Variants in OSTN observed in about 807,000 individuals in gnomAD.
OSTN encodes osteocrin.
In OSTN, 9 loss-of-function variants were observed where a neutral mutation model predicts 12.0. The observed-to-expected ratio is 0.75, with a 90% CI of 0.45 to 1.30. The LOEUF is 1.30. Ranked by LOEUF, OSTN falls within the 50% of genes most tolerant of loss-of-function variation. The probability of loss-of-function intolerance (pLI) is 0.00; values close to 1 mark genes in which losing one functional copy is unlikely to be tolerated. For synonymous variants in OSTN, 59 were observed against 56.9 expected, an observed-to-expected ratio of 1.04 and a Z score of -0.16; for missense variants, 148 against 152.3, an observed-to-expected ratio of 0.97 and a Z score of 0.15.
rs577497707 is a variant in OSTN at position 191,253,154 on chromosome 3, A to G, written c.*12+3021A>G. Among the ~76,000 whole-genome samples the G allele has an allele frequency of 3.9e-5, 6 of 152,344 alleles. No homozygotes were observed. The South Asian group carries it at 1.2e-3, about 32-fold the overall frequency. Reference sequence around the variant, plus strand: ...TCATTGGTTATACATTTCTAAGACGAACAGAAATGGTATCTCGCACTTTAC... The same window carrying G: ...TCATTGGTTATACATTTCTAAGACGGACAGAAATGGTATCTCGCACTTTAC... On this transcript the variant is annotated intron_variant, in intron 4 of 4. Transcript: ENST00000682035.
intron 2 of OSTN, chr3:191,217,257 C>G (rs1354808195): frequency 6.6e-6 from 1 of 152,194 alleles, no homozygotes; most frequent in Non-Finnish European, 1.5e-5. Context: ...AAACTGCCCC[C>G]ATAATTCAGT....
At chr3:191,213,965 A>G (rs1053226383) in intron 2 of OSTN, among the ~76,000 whole-genome samples, 3 of 152,278 alleles carry the variant, frequency 2.0e-5, no homozygotes, top group East Asian at 3.9e-4. Flanking sequence ...TCAGGCTTAT[A>G]TAAGGAAGTG....
At chr3:191,221,599 T>C (rs1211776627) in intron 3 of OSTN, among the ~76,000 whole-genome samples, 2 of 152,280 alleles carry the variant, frequency 1.3e-5, no homozygotes, top group East Asian at 3.9e-4. Context: ...TGAGGAACTT[T>C]GAACTTGAGA....
At chr3:191,262,813 C>T (rs2108559207) in intron 4 of OSTN, 53 bp from the exon 5 acceptor site, 1 of 697,104 alleles carries the variant, frequency 1.4e-6, no homozygotes, top group South Asian at 1.5e-5. Flanking sequence ...GGACTTCCAC[C>T]TGATCTACAG....
At chr3:191,246,698 TGAAAAGGAAGAA>T (rs1470081174) in intron 3 of OSTN, among the ~76,000 whole-genome samples, 1 of 133,094 alleles carries the variant, frequency 7.5e-6, no homozygotes, top group African/African-American at 2.9e-5. Context: ...AAGAGGAGGA[TGAAAAGGAAGAA>T]GAAGAGGAAG....
intron 3 of OSTN, among the ~76,000 whole-genome samples, chr3:191,219,950 G>A (rs974439239): frequency 5.3e-5 from 8 of 152,058 alleles, no homozygotes; most frequent in East Asian, 1.9e-4. Context: ...TATCACCAAC[G>A]TATCCTGTAC....
intron 3 of OSTN, among the ~76,000 whole-genome samples, chr3:191,224,330 C>A (rs1257860998): frequency 6.7e-6 from 1 of 150,126 alleles, no homozygotes; most frequent in Non-Finnish European, 1.5e-5. Context: ...GAGCCAAGAT[C>A]TCACCATTGC....
chr3:191,201,109 A>T (rs763508795), intron 1 of OSTN, among the ~76,000 whole-genome samples: 172 of 151,882 alleles, frequency 1.1e-3, no homozygotes, highest in Non-Finnish European at 1.4e-3. Flanking sequence ...TTATTTATTT[A>T]TTTTTTTTAG....
intron 3 of OSTN, among the ~76,000 whole-genome samples, chr3:191,226,815 T>C (rs1714922869): frequency 6.6e-6 from 1 of 152,064 alleles, no homozygotes; most frequent in Non-Finnish European, 1.5e-5. Context: ...GGGATATGAG[T>C]AAAAAGATTC....
At chr3:191,233,932 C>T (rs865870756) in intron 3 of OSTN, among the ~76,000 whole-genome samples, 9 of 151,458 alleles carry the variant, frequency 5.9e-5, no homozygotes, top group Admixed American at 5.3e-4. Context: ...GCGGAGGTTG[C>T]AGTTAGCTGA....
At chr3:191,255,310 C>T (rs977569267) in intron 4 of OSTN, among the ~76,000 whole-genome samples, 5 of 152,340 alleles carry the variant, frequency 3.3e-5, no homozygotes, top group Non-Finnish European at 5.9e-5. Flanking sequence ...AGGCCACAGA[C>T]ATGTGCTGGT....
rs1032576447 is a variant in OSTN, at chr3:191,200,683, G to A, written c.-1+1376G>A. Among the ~76,000 whole-genome samples, 4 of 152,180 alleles carry A rather than the reference G, an allele frequency of 2.6e-5. No individual in the cohort carries two copies. The East Asian group carries it at 5.8e-4, about 22-fold the overall frequency. ...AAAAAATAGAAGTGCTAGGGATACT[G>A]AGTATAAAAATATTTGAGGAAGCCC... On this transcript the variant is annotated intron_variant, in intron 1 of 4. Coordinates refer to ENST00000682035, the MANE Select transcript of OSTN (RefSeq NM_198184.2).
At chr3:191,254,962 G>A (rs1715637385) in intron 4 of OSTN, among the ~76,000 whole-genome samples, 1 of 152,130 alleles carries the variant, frequency 6.6e-6, no homozygotes, top group South Asian at 2.1e-4. Flanking sequence ...AAAATAACTT[G>A]AGATTCCTGG....
intron 3 of OSTN, chr3:191,228,844 A>C (rs1446631490): frequency 6.6e-6 from 1 of 152,214 alleles, no homozygotes; most frequent in African/African-American, 2.4e-5. Flanking sequence ...TTATACAATT[A>C]TTATGGCTAA....
rs374749121 is a variant in OSTN, at chr3:191,212,520, A to T, written c.1-13A>T. The T allele has an allele frequency of 1.3e-6, 2 of 1,539,024 alleles. No homozygotes were observed. Among genetic ancestry groups the T allele is most frequent in the Non-Finnish European group, 1.8e-6 (2 of 1,126,130 alleles). On this transcript the variant is annotated splice_polypyrimidine_tract_variant and intron_variant, in intron 1 of 4. Transcript: ENST00000682035. ...AACGAATCAATGCTAACTATGACAT[A>T]TGTAACCCTTAGATGCTGGACTGGA...
chr3:191,224,224 A>G (rs2108536580), intron 3 of OSTN, among the ~76,000 whole-genome samples: 1 of 152,128 alleles, frequency 6.6e-6, no homozygotes, highest in South Asian at 2.1e-4. Flanking sequence ...CTAAGAATAC[A>G]AAATTAGCCA....
chr3:191,249,433 C>T (rs1715509482), intron 3 of OSTN, among the ~76,000 whole-genome samples: 1 of 152,142 alleles, frequency 6.6e-6, no homozygotes. Context: ...ACTTTTTATA[C>T]TTCATTTTAA....
chr3:191,258,786 G>A (rs969637905), intron 4 of OSTN, among the ~76,000 whole-genome samples: 16 of 152,062 alleles, frequency 1.1e-4, no homozygotes, highest in Admixed American at 6.5e-4. Flanking sequence ...TGTTTAAACC[G>A]CACCGTTGTT....
chr3:191,253,673 C>A (rs972780298), intron 4 of OSTN, among the ~76,000 whole-genome samples: 11 of 152,244 alleles, frequency 7.2e-5, no homozygotes, highest in African/African-American at 2.4e-4. Context: ...CAGCAGCCCT[C>A]AGAGAATTTA....
Sources: gnomAD v4.1 joint callset for allele counts (sites outside exome capture counted in the v4.1 genomes callset) on GRCh38, gnomAD v4.1.1 for gene constraint, MANE v1.5 for transcripts, NCBI Gene and HGNC (gene_info 2026-07-23, HGNC 2026-07-21) for gene names.